Variants in SMARCA2 observed in about 807,000 individuals in gnomAD.
SMARCA2 encodes SWI/SNF-related matrix-associated actin-dependent regulator of chromatin subfamily A member 2.
A neutral mutation model predicts 199.8 loss-of-function variants in SMARCA2; 61 were observed. The observed-to-expected ratio is 0.31, with a 90% CI of 0.25 to 0.38. SMARCA2 has a LOEUF of 0.38. Among genes scored for constraint, SMARCA2 ranks in the 10% least tolerant of loss-of-function variants. The pLI, the probability that SMARCA2 is intolerant of heterozygous loss-of-function variation, is 1.00. For missense variants in SMARCA2, 1,344 were observed against 2,012.2 expected, an observed-to-expected ratio of 0.67 and a Z score of 6.35; for synonymous variants, 935 against 732.0, an observed-to-expected ratio of 1.28 and a Z score of -4.48.
chr9:2,103,132 C>T (rs1379802916), intron 22 of SMARCA2, among the ~76,000 whole-genome samples: 5 of 152,084 alleles, frequency 3.3e-5, no homozygotes, highest in African/African-American at 1.2e-4. Context: ...AATGTTATCT[C>T]TTCAGGGAGG....
chr9:2,046,449 A>AT (rs1001381999), intron 4 of SMARCA2, among the ~76,000 whole-genome samples: 9 of 151,984 alleles, frequency 5.9e-5, no homozygotes, highest in Non-Finnish European at 1.2e-4. Context: ...GAATGAGCAG[A>AT]TTTTTTTTGG....
At chr9:2,174,621 A>G (rs1179945282) in intron 29 of SMARCA2, among the ~76,000 whole-genome samples, 1 of 152,140 alleles carries the variant, frequency 6.6e-6, no homozygotes, top group African/African-American at 2.4e-5. Flanking sequence ...TTTACCATTA[A>G]GAAATGGGGA....
At chr9:2,177,822 G>A (rs1437264591) in intron 29 of SMARCA2, among the ~76,000 whole-genome samples, 1 of 152,178 alleles carries the variant, frequency 6.6e-6, no homozygotes, top group Non-Finnish European at 1.5e-5. Flanking sequence ...AAAGTGCTGG[G>A]ATTACAGGCA....
rs1183427784 is a variant in SMARCA2 at position 2,086,470 on chromosome 9, A to G, written c.2527-359A>G. On this transcript the variant is annotated intron_variant, in intron 17 of 33. Transcript: ENST00000349721. The surrounding 1 kb of genome is among the most constrained non-coding windows in gnomAD (Gnocchi z 4.3). ...TGAGCTGAAATAGCATGACCATGAA[A>G]TCTGGGATAGCTGTCATGATAACGT... 2.6e-5 allele frequency among the ~76,000 whole-genome samples: 4 copies of G among 152,214 alleles called. No individual in the cohort carries two copies. The highest frequency in any genetic ancestry group is 9.7e-5 in the African/African-American group (4 of 41,450).
At chr9:2,084,370 CTGTGTGTGTGTGTG>C (rs3057851) in intron 17 of SMARCA2, among the ~76,000 whole-genome samples, 174 bp downstream of exon 17, 217 of 132,392 alleles carry the variant, frequency 1.6e-3, no homozygotes, top group African/African-American at 4.3e-3. Context: ...TTCATGCATG[CTGTGTGTGTGTGTG>C]TGTGTGTGTG....
rs760369452 is a variant in SMARCA2 at position 2,110,378 on chromosome 9, T to C, written c.3417T>C (p.Asp1139=). 6.2e-7 allele frequency: 1 copy of C among 1,613,630 alleles called. No individual in the cohort carries two copies. Among genetic ancestry groups the C allele is most frequent in the South Asian group, 1.1e-5 (1 of 90,994 alleles). ...TGGGCTTAAATCTTCAGGCAGCTGA[T>C]ACAGTGGTCATCTTTGACAGCGACT... ...GGLGLNLQAA[D]TVVIFDSDWN... is the part of the protein sequence containing the mutation. The change falls in exon 24 of 34, where the codon GAT becomes GAC. Residue 1139 remains aspartate, a synonymous_variant. Coordinates refer to ENST00000349721, the MANE Select transcript of SMARCA2 (RefSeq NM_003070.5). The surrounding 1 kb of genome is among the most constrained non-coding windows in gnomAD (Gnocchi z 4.8).
At chr9:2,077,120 C>G (rs151132735) in intron 13 of SMARCA2, among the ~76,000 whole-genome samples, 1 of 152,096 alleles carries the variant, frequency 6.6e-6, no homozygotes. Flanking sequence ...AGCAGAGTAG[C>G]TCATGAACAA....
At chr9:2,028,927 T>C (rs1010096666) in intron 1 of SMARCA2, 60 bp from the exon 2 acceptor site, 8 of 1,354,510 alleles carry the variant, frequency 5.9e-6, no homozygotes, top group African/African-American at 1.5e-5. Flanking sequence ...ACAATTGTTT[T>C]ATTCTGGTCT....
At chr9:2,074,917 C>T (rs1055350453) in intron 12 of SMARCA2, among the ~76,000 whole-genome samples, 2 of 152,160 alleles carry the variant, frequency 1.3e-5, no homozygotes, top group Non-Finnish European at 2.9e-5. Flanking sequence ...CTATTTGTTT[C>T]CCCCAGCTAC....
Position 2,145,785 on chromosome 9 carries a change from A to G in SMARCA2, c.3982-15901A>G, listed in dbSNP as rs564996357. Among the ~76,000 whole-genome samples the G allele has an allele frequency of 2.0e-5, 3 of 152,308 alleles. 1 individual carries two copies. In the East Asian group the frequency reaches 5.8e-4, roughly 29 times the overall value. On this transcript the variant is annotated intron_variant, in intron 27 of 33. Transcript: ENST00000349721. ...AGTTTCCCTCCCTCATTACTGTGCTATGTACTCTAGGGGAATTGAGAAAAA... is the reference window on the plus strand; with the variant it reads ...AGTTTCCCTCCCTCATTACTGTGCTGTGTACTCTAGGGGAATTGAGAAAAA...
intron 28 of SMARCA2, among the ~76,000 whole-genome samples, chr9:2,167,670 G>A (rs1318664259): frequency 2.0e-5 from 3 of 152,224 alleles, no homozygotes; most frequent in Non-Finnish European, 2.9e-5. Context: ...AGCCCTTGTG[G>A]TATCTCTGGG....
At chr9:2,096,574 G>T in intron 19 of SMARCA2, 83 bp from the exon 20 acceptor site, 1 of 827,980 alleles carries the variant, frequency 1.2e-6, no homozygotes. Context: ...GTGCTTCCAG[G>T]AGTGACACTG....
intron 1 of SMARCA2, among the ~76,000 whole-genome samples, chr9:2,018,911 CTGG>C (rs1818479878): frequency 6.6e-6 from 1 of 152,222 alleles, no homozygotes; most frequent in Non-Finnish European, 1.5e-5. Flanking sequence ...CTCTAGCACA[CTGG>C]TGAAGTGTTA....
At position 2,193,078 on chromosome 9, in the gene SMARCA2, C is replaced by G; in HGVS notation, c.*339C>G. 1 of 221,002 alleles carries G rather than the reference C, an allele frequency of 4.5e-6. No homozygotes were observed. The allele number at this position is 221,002 out of a possible 1,614,324, so 13.7% of individuals were successfully genotyped here. A position where few individuals can be genotyped will look rare whatever the true frequency, so the allele number is the denominator to read the frequency against. On this transcript the variant is annotated 3_prime_UTR_variant, in exon 34 of 34. Transcript: ENST00000349721. ...ATTGTGCCTGGTTTTATCACCTGTT[C>G]AGATGAGAAGATTTTTGTCTTTTGT...
At chr9:2,047,610 C>G (rs1003054028) in intron 5 of SMARCA2, 126 bp downstream of exon 5, 2 of 1,122,218 alleles carry the variant, frequency 1.8e-6, no homozygotes, top group Admixed American at 9.2e-5. Flanking sequence ...GGTCGGAAAA[C>G]TTTCATCCAC....
intron 1 of SMARCA2, among the ~76,000 whole-genome samples, chr9:2,025,951 A>G (rs1248284966): frequency 1.3e-5 from 2 of 152,200 alleles, no homozygotes; most frequent in African/African-American, 4.8e-5. Flanking sequence ...TGGACTTTCC[A>G]ACACACAGGT....
chr9:2,150,179 G>T (rs1456589462), intron 27 of SMARCA2, among the ~76,000 whole-genome samples: 1 of 151,620 alleles, frequency 6.6e-6, no homozygotes, highest in Non-Finnish European at 1.5e-5. Context: ...CATATCTCCT[G>T]TTGGCCTCTG....
intron 1 of SMARCA2, among the ~76,000 whole-genome samples, chr9:2,019,873 C>G (rs1280426315): frequency 6.6e-6 from 1 of 151,074 alleles, no homozygotes; most frequent in Non-Finnish European, 1.5e-5. Context: ...TTGTCAAACT[C>G]TTCTAGGTCA....
chr9:2,088,048 A>G (rs1442939264), intron 18 of SMARCA2, among the ~76,000 whole-genome samples: 1 of 152,240 alleles, frequency 6.6e-6, no homozygotes, highest in African/African-American at 2.4e-5. Context: ...CCTCTTCTTT[A>G]TATGTTCAAG....
Sources: gnomAD v4.1 joint callset for allele counts (sites outside exome capture counted in the v4.1 genomes callset) on GRCh38, gnomAD v4.1.1 for gene constraint, Gnocchi (gnomAD v3.1) non-coding constraint, MANE v1.5 for transcripts, NCBI Gene and HGNC (gene_info 2026-07-23, HGNC 2026-07-21) for gene names.